ARHGEF28: variants seen among roughly 807,000 people sequenced by gnomAD.
The protein encoded by ARHGEF28 is 190 kDa guanine nucleotide exchange factor.
ARHGEF28 carries 152 observed loss-of-function variants against 206.6 expected under a neutral mutation model. The observed-to-expected ratio is 0.74, with a 90% confidence interval of 0.64 to 0.84. The LOEUF (loss-of-function observed/expected upper bound fraction) is 0.84, where lower values mean the gene tolerates loss of function less well. Ranked by LOEUF, ARHGEF28 falls within the 40% of genes least tolerant of loss-of-function variation. ARHGEF28 has a pLI of 0.00. For synonymous variants in ARHGEF28, 763 were observed against 776.4 expected (o/e 0.98, Z 0.29); for missense variants, 2,028 against 2,073.2 (o/e 0.98, Z 0.42).
intron 2 of ARHGEF28, among the ~76,000 whole-genome samples, chr5:73,735,929 C>T (rs562736425): frequency 2.0e-5 from 3 of 152,300 alleles, no homozygotes; most frequent in East Asian, 1.9e-4. Flanking sequence ...CCTTTCCTGA[C>T]CTGTTACTCC....
intron 2 of ARHGEF28, among the ~76,000 whole-genome samples, chr5:73,742,271 G>C (rs543105988): frequency 6.6e-6 from 1 of 152,094 alleles, no homozygotes; most frequent in African/African-American, 2.4e-5. Context: ...GGCAGACTTG[G>C]TGTACTATTT....
intron 2 of ARHGEF28, among the ~76,000 whole-genome samples, chr5:73,721,307 T>C (rs1056987703): frequency 6.6e-6 from 1 of 152,170 alleles, no homozygotes; most frequent in Non-Finnish European, 1.5e-5. Flanking sequence ...ATTAGCTTCT[T>C]TCTTCAACCT....
At chr5:73,646,256 A>G (rs1014307951) in intron 1 of ARHGEF28, among the ~76,000 whole-genome samples, 4 of 152,198 alleles carry the variant, frequency 2.6e-5, no homozygotes, top group Non-Finnish European at 4.4e-5. Flanking sequence ...GACCCTGATT[A>G]TATAGTGTCT....
chr5:73,872,208 G>T (rs1372931731), intron 21 of ARHGEF28, among the ~76,000 whole-genome samples: 1 of 151,894 alleles, frequency 6.6e-6, no homozygotes, highest in Admixed American at 6.6e-5. Context: ...GTGTCATTTT[G>T]GTTTTGATTT....
chr5:73,939,380 T>A lies in ARHGEF28; in HGVS notation c.4949-1464T>A, dbSNP rs115592453. Among the ~76,000 whole-genome samples the A allele has an allele frequency of 5.9e-3, 899 of 152,284 alleles. 11 individuals are homozygous for A. Among genetic ancestry groups the A allele is most frequent in the African/African-American group, 0.021 (856 of 41,538 alleles). ...GGAATTTGAGGTACAGCATTTAGGATCAGGGGCAGTAGAATCAAGCTTTGT... is the reference window on the plus strand; with the variant it reads ...GGAATTTGAGGTACAGCATTTAGGAACAGGGGCAGTAGAATCAAGCTTTGT... On this transcript the variant is annotated intron_variant, in intron 35 of 35. Transcript: ENST00000513042.
intron 22 of ARHGEF28, among the ~76,000 whole-genome samples, chr5:73,880,316 C>T (rs1413775719): frequency 4.6e-5 from 7 of 152,202 alleles, no homozygotes; most frequent in Non-Finnish European, 5.9e-5. Flanking sequence ...CCCAATTTTC[C>T]AGGTGCCGTC....
intron 9 of ARHGEF28, among the ~76,000 whole-genome samples, chr5:73,828,556 T>C (rs1409826338): frequency 3.0e-5 from 4 of 133,734 alleles, no homozygotes; most frequent in East Asian, 4.0e-4. Flanking sequence ...GACAGGAAGA[T>C]GACATGGGCT....
At chr5:73,741,428 TATATATATATA>T in intron 2 of ARHGEF28, among the ~76,000 whole-genome samples, 2 of 32,322 alleles carry the variant, frequency 6.2e-5, no homozygotes, top group African/African-American at 2.3e-4. Flanking sequence ...TATATATATA[TATATATATATA>T]TATGTATACT....
At chr5:73,652,045 G>A (rs1441334291) in intron 1 of ARHGEF28, among the ~76,000 whole-genome samples, 1 of 152,158 alleles carries the variant, frequency 6.6e-6, no homozygotes, top group Admixed American at 6.5e-5. Flanking sequence ...AAAGGTTTGT[G>A]GAGATAAATT....
chr5:73,852,688 AACAGGT>A lies in ARHGEF28; in HGVS notation c.1789_1790+4del, dbSNP rs1286684574. The A allele has an allele frequency of 6.2e-7, 1 of 1,613,510 alleles. No homozygotes were observed. Among genetic ancestry groups the A allele is most frequent in the Non-Finnish European group, 8.5e-7 (1 of 1,179,630 alleles). On this transcript the variant is annotated splice_donor_variant and coding_sequence_variant, in exon 14 of 36. Coordinates refer to ENST00000513042, the MANE Select transcript of ARHGEF28 (RefSeq NM_001177693.2). LOFTEE classifies it high-confidence loss of function. ...CAGCTTATCGGAGCCACCAAGAGAA[AACAGGT>A]ACTTTTAACTATTCCAATTTTCCTG...
chr5:73,716,704 C>T (rs1749610775), intron 2 of ARHGEF28, among the ~76,000 whole-genome samples: 1 of 152,158 alleles, frequency 6.6e-6, no homozygotes, highest in Admixed American at 6.5e-5. Context: ...GCTTGTTTTT[C>T]AGCATTGTCC....
intron 26 of ARHGEF28, among the ~76,000 whole-genome samples, chr5:73,891,735 G>A (rs1236613945): frequency 6.6e-6 from 1 of 152,036 alleles, no homozygotes; most frequent in East Asian, 1.9e-4. Context: ...ACATTGGCCA[G>A]GCTGGTCTTG....
intron 4 of ARHGEF28, among the ~76,000 whole-genome samples, chr5:73,765,837 C>T (rs113267692): frequency 0.025 from 3,707 of 151,196 alleles, 150 homozygotes; most frequent in African/African-American, 0.085. Flanking sequence ...TAATGTGAAT[C>T]AAAAAAAAAT....
rs561810739 is a variant in ARHGEF28 at position 73,877,645 on chromosome 5, G to T, written c.2814+4399G>T. ...TGTCTTTGTTCTTGTTGGTTTCAAA[G>T]AACATCTTTATTTCTGCCTTCATTT... On this transcript the variant is annotated intron_variant, in intron 22 of 35. Coordinates refer to ENST00000513042, the MANE Select transcript of ARHGEF28 (RefSeq NM_001177693.2). Among the ~76,000 whole-genome samples the T allele has an allele frequency of 6.0e-3, 903 of 149,874 alleles. 8 individuals carry two copies. Among genetic ancestry groups the T allele is most frequent in the African/African-American group, 0.021 (850 of 40,376 alleles).
intron 2 of ARHGEF28, among the ~76,000 whole-genome samples, chr5:73,709,302 T>C (rs1226021877): frequency 1.4e-5 from 2 of 146,898 alleles, no homozygotes; most frequent in Admixed American, 1.3e-4. Flanking sequence ...TATAAAACAC[T>C]TCCATCACCT....
chr5:73,757,731 T>C (rs1190372168), intron 4 of ARHGEF28, among the ~76,000 whole-genome samples: 3 of 152,220 alleles, frequency 2.0e-5, no homozygotes, highest in Non-Finnish European at 2.9e-5. Context: ...AAAATTGGAT[T>C]TCTAGTTCAT....
intron 31 of ARHGEF28, chr5:73,904,012 C>G: frequency 1.8e-6 from 1 of 560,792 alleles, no homozygotes; most frequent in East Asian, 2.9e-5. Flanking sequence ...TCTCAAACAT[C>G]GACTTTGCGT....
chr5:73,652,119 A>G (rs889481424), intron 1 of ARHGEF28, among the ~76,000 whole-genome samples: 5 of 115,882 alleles, frequency 4.3e-5, no homozygotes, highest in South Asian at 2.8e-4. Flanking sequence ...CTCCTTCTCT[A>G]TGTTGTAACT....
intron 4 of ARHGEF28, among the ~76,000 whole-genome samples, chr5:73,771,282 C>G (rs1161618030): frequency 6.6e-6 from 1 of 152,146 alleles, no homozygotes; most frequent in Non-Finnish European, 1.5e-5. Flanking sequence ...GTGGCTCATG[C>G]CTGTAATCCC....
Sources: gnomAD v4.1 joint callset for allele counts (sites outside exome capture counted in the v4.1 genomes callset) on GRCh38, gnomAD v4.1.1 for gene constraint, MANE v1.5 for transcripts, NCBI Gene and HGNC (gene_info 2026-07-23, HGNC 2026-07-21) for gene names.